Variants in PLET1 observed in about 807,000 individuals in gnomAD.
The protein encoded by PLET1 is placenta-expressed transcript 1 protein.
PLET1 carries 20 observed loss-of-function variants against 18.5 expected under a neutral mutation model. The observed-to-expected ratio is 1.08, with a 90% CI of 0.76 to 1.57. The LOEUF is 1.57. PLET1 is among the 40% of genes most tolerant of loss of function. PLET1 has a pLI of 0.00. For missense variants in PLET1, 256 were observed against 246.4 expected (o/e 1.04, Z -0.26); for synonymous variants, 93 against 93.8 (o/e 0.99, Z 0.05).
rs531014117 is a variant in PLET1, at chr11:112,260,446, C to G, written c.144G>C (p.Lys48Asn). Residue 48 changes from lysine to asparagine, a missense_variant, in exon 1 of 4, where the codon AAG becomes AAC. Physicochemically the swap from Lys to Asn is moderately conservative, Grantham distance 94. Transcript: ENST00000338832. The part of the protein sequence containing the change: ...DEYYTITLDI[K>N]ASSHIYESNA... Reference sequence around the variant, plus strand: ...TGCTTTCGTAGATATGTGAACTGGCCTTGATGTCTAGGGTTATGGTGTAGT... The same window carrying G: ...TGCTTTCGTAGATATGTGAACTGGCGTTGATGTCTAGGGTTATGGTGTAGT... The G allele has an allele frequency of 6.4e-7, 1 of 1,551,820 alleles. No homozygotes were observed. The highest frequency in any genetic ancestry group is 8.7e-7 in the Non-Finnish European group (1 of 1,146,992).
At position 112,248,963 on chromosome 11, in the gene PLET1, CTAAGGT is replaced by C. The variant is rs755322850; in HGVS notation, c.454_459del (p.Thr152_Leu153del). The C allele has an allele frequency of 6.5e-7, 1 of 1,550,254 alleles. No individual in the cohort carries two copies. The highest frequency in any genetic ancestry group is 2.0e-5 in the Admixed American group (1 of 50,994). Reference sequence around the variant, plus strand: ...CTCTGGGGAATCTTGGCAGCTAAGGCTAAGGTTGACACTGGAAAGGTGGTTGAGGGT... The same window carrying C: ...CTCTGGGGAATCTTGGCAGCTAAGGCTGACACTGGAAAGGTGGTTGAGGGT... On this transcript the variant is annotated inframe_deletion, in exon 4 of 4. Transcript: ENST00000338832.
intron 2 of PLET1, among the ~76,000 whole-genome samples, chr11:112,254,973 TGG>T (rs1860207180): frequency 3.7e-5 from 1 of 27,384 alleles, no homozygotes; most frequent in Non-Finnish European, 1.1e-4. Flanking sequence ...TATGTGAGTG[TGG>T]TGTGTGTGTG....
chr11:112,255,064 GTGTGTGGTGTGTGTGGTA>G (rs202003031), intron 2 of PLET1, among the ~76,000 whole-genome samples: 83,656 of 125,546 alleles, frequency 0.67, 27,004 homozygotes, highest in South Asian at 0.77. Context: ...GTATGTGTGT[GTGTGTGGTGTGTGTGGTA>G]TGTGTGGTGT....
rs1000103241 is a variant in PLET1, at chr11:112,254,317, TGTG to T, written c.386+1068_386+1070del. Among the ~76,000 whole-genome samples, 58 of 126,430 alleles carry T rather than the reference TGTG, an allele frequency of 4.6e-4. 1 individual carries two copies. The South Asian group carries it at 0.01, about 22-fold the overall frequency. 82.9% of individuals were successfully genotyped at this position (126,430 alleles called of 152,430 possible). On this transcript the variant is annotated intron_variant, in intron 2 of 3. Transcript: ENST00000338832. ...TGTGTGGTGTGTAGTGTGAGTAGCA[TGTG>T]GTGTGTGGGGGTGGTGTGTGGTGTG...
rs185509748 is a variant in PLET1 at position 112,255,492 on chromosome 11, A to G, written c.282T>C (p.Asn94=). 284 of 1,552,012 alleles carry G rather than the reference A, an allele frequency of 1.8e-4. No individual in the cohort carries two copies. The highest frequency in any genetic ancestry group is 2.4e-4 in the Non-Finnish European group (281 of 1,146,988). ...CGTAATACGTGGAGTTGCTGTAGCA[A>G]TTTTTATCCGCTCTTTGCCAGAGGC... ...SAGLWQRADK[N]CYSNSTYYVK... The change falls in exon 2 of 4, where the codon AAT becomes AAC. Residue 94 remains asparagine (N), a synonymous_variant. Coordinates refer to ENST00000338832, the MANE Select transcript of PLET1 (RefSeq NM_001145024.1).
intron 3 of PLET1, among the ~76,000 whole-genome samples, chr11:112,251,993 G>T (rs1039947996): frequency 4.6e-5 from 7 of 152,228 alleles, no homozygotes; most frequent in African/African-American, 1.7e-4. Context: ...TTAAGGCTTT[G>T]TGTGAGTGGG....
intron 3 of PLET1, among the ~76,000 whole-genome samples, 186 bp from the exon 4 acceptor site, chr11:112,249,160 A>T (rs944401409): frequency 9.2e-5 from 14 of 152,190 alleles, no homozygotes; most frequent in African/African-American, 3.4e-4. Flanking sequence ...GCTGGGGGTT[A>T]AACACACAGG....
At position 112,248,882 on chromosome 11, in the gene PLET1, A is replaced by C; in HGVS notation, c.541T>G (p.Leu181Val). The C allele has an allele frequency of 6.4e-7, 1 of 1,551,624 alleles. No homozygotes were observed. Among genetic ancestry groups the C allele is most frequent in the Non-Finnish European group, 8.7e-7 (1 of 1,146,978 alleles). Reference sequence around the variant, plus strand: ...GGGCTGCTGAAGACTTGGTTGGCCAAGCCTTCGAGTCTGATACTCTTGGGT... The same window carrying C: ...GGGCTGCTGAAGACTTGGTTGGCCACGCCTTCGAGTCTGATACTCTTGGGT... ...ITPKSIRLEGLANQVFSSPIT... is the reference protein window; with the variant it reads ...ITPKSIRLEGVANQVFSSPIT... Residue 181 changes from leucine (L) to valine (V), a missense_variant, in exon 4 of 4, where the codon TTG (leucine) becomes GTG (valine). Transcript: ENST00000338832.
At chr11:112,255,632 C>T in intron 1 of PLET1, 43 bp from the exon 2 acceptor site, 1 of 1,518,416 alleles carries the variant, frequency 6.6e-7, no homozygotes, top group East Asian at 2.5e-5. Context: ...TCTGTTCCCT[C>T]TGAGCCAAGC....
chr11:112,260,221 G>T, intron 1 of PLET1, 185 bp downstream of exon 1: 1 of 598,740 alleles, frequency 1.7e-6, no homozygotes, highest in Non-Finnish European at 2.7e-6. Flanking sequence ...CAAGGAATTT[G>T]CAGAAATAGC....
intron 3 of PLET1, among the ~76,000 whole-genome samples, chr11:112,251,666 C>T (rs1301771906): frequency 6.6e-6 from 1 of 152,212 alleles, no homozygotes; most frequent in Non-Finnish European, 1.5e-5. Flanking sequence ...TCCGCCTTGG[C>T]CTCCCAAAGT....
intron 1 of PLET1, 53 bp downstream of exon 1, chr11:112,260,353 G>T: frequency 6.8e-7 from 1 of 1,469,954 alleles, no homozygotes; most frequent in South Asian, 1.3e-5. Context: ...CTGAAATTCT[G>T]GTTAATTTCC....
At chr11:112,249,001 G>A (rs146338971) in intron 3 of PLET1, 27 bp from the exon 4 acceptor site, 730 of 1,544,578 alleles carry the variant, frequency 4.7e-4, no homozygotes, top group Non-Finnish European at 6.1e-4. Context: ...GGGTGCGGTT[G>A]GCACTGGAAA....
intron 3 of PLET1, among the ~76,000 whole-genome samples, chr11:112,250,070 G>A (rs984424035): frequency 3.3e-5 from 5 of 151,064 alleles, no homozygotes; most frequent in Non-Finnish European, 7.4e-5. Flanking sequence ...CAGTAAGGTA[G>A]CATTGTCTAA....
intron 3 of PLET1, among the ~76,000 whole-genome samples, chr11:112,250,220 C>CCTTTTTT (rs1733095677): frequency 4.0e-5 from 2 of 49,860 alleles, no homozygotes; most frequent in Admixed American, 3.9e-4. Flanking sequence ...AGAAACAAAC[C>CCTTTTTT]TTTTTTTTTT....
At chr11:112,253,926 A>G (rs551462229) in intron 2 of PLET1, among the ~76,000 whole-genome samples, 18 of 152,328 alleles carry the variant, frequency 1.2e-4, no homozygotes, top group African/African-American at 4.1e-4. Context: ...TGGTTCCTGA[A>G]GTAAACCTAA....
At chr11:112,249,091 C>T (rs919811582) in intron 3 of PLET1, 117 bp from the exon 4 acceptor site, 15 of 954,826 alleles carry the variant, frequency 1.6e-5, no homozygotes, top group Non-Finnish European at 1.5e-6. Context: ...GAGCCAGATT[C>T]ATGAGCAAAA....
intron 3 of PLET1, among the ~76,000 whole-genome samples, chr11:112,251,801 C>T (rs781572369): frequency 4.3e-5 from 6 of 140,282 alleles, no homozygotes; most frequent in Non-Finnish European, 6.3e-5. Flanking sequence ...CAGGGAGGTG[C>T]GAAGCTGGGG....
intron 1 of PLET1, among the ~76,000 whole-genome samples, chr11:112,258,507 C>T (rs1860249710): frequency 6.6e-6 from 1 of 152,126 alleles, no homozygotes; most frequent in African/African-American, 2.4e-5. Context: ...TGGTCTCGAA[C>T]TCTTGAGCTC....
Sources: allele counts gnomAD v4.1 joint callset (sites outside exome capture counted in the v4.1 genomes callset), GRCh38; gene constraint gnomAD v4.1.1; transcripts MANE v1.5; gene names NCBI Gene and HGNC (gene_info 2026-07-23, HGNC 2026-07-21).